Variants in JMJD1C observed in about 807,000 individuals in gnomAD.
The protein encoded by JMJD1C is jumonji domain-containing protein 1C.
JMJD1C carries 31 observed loss-of-function variants against 245.3 expected under a neutral mutation model. The ratio of observed to expected loss-of-function variants is 0.13; its 90% CI spans 0.09 to 0.17. The LOEUF is 0.17. Among genes scored for constraint, JMJD1C ranks in the 10% least tolerant of loss-of-function variants. The pLI is 1.00. For synonymous variants in JMJD1C, 1,057 were observed against 1,017.4 expected (o/e 1.04, Z -0.74); for missense variants, 2,691 against 3,000.2 (o/e 0.90, Z 2.41).
chr10:63,337,272 T>A (rs1400765248), intron 2 of JMJD1C, among the ~76,000 whole-genome samples: 1 of 150,558 alleles, frequency 6.6e-6, no homozygotes, highest in Non-Finnish European at 1.5e-5. Context: ...TGAAACCCCA[T>A]GTCTACTGAA....
chr10:63,208,134 A>G lies in JMJD1C; in HGVS notation c.3535T>C (p.Phe1179Leu). ...HQIASHSVTTFRNDCRSPTHL... is the reference protein window; with the variant it reads ...HQIASHSVTTLRNDCRSPTHL... Reference sequence around the variant, plus strand: ...GTAGGACTCCTACAATCATTTCTGAAGGTTGTTACTGAGTGAGATGCAATC... The same window carrying G: ...GTAGGACTCCTACAATCATTTCTGAGGGTTGTTACTGAGTGAGATGCAATC... Residue 1179 changes from phenylalanine to leucine, a missense_variant, in exon 10 of 26, where the codon TTC becomes CTC. Coordinates refer to ENST00000399262, the MANE Select transcript of JMJD1C (RefSeq NM_032776.3). 1 of 1,614,168 alleles carries G rather than the reference A, an allele frequency of 6.2e-7. No homozygotes were observed. Among genetic ancestry groups the G allele is most frequent in the Non-Finnish European group, 8.5e-7 (1 of 1,179,994 alleles).
chr10:63,343,542 A>G (rs866345325), intron 2 of JMJD1C, among the ~76,000 whole-genome samples: 3 of 152,188 alleles, frequency 2.0e-5, no homozygotes, highest in Admixed American at 6.5e-5. Context: ...TATACCTTAC[A>G]TCGCTGCTTC....
At position 63,465,512 on chromosome 10, in the gene JMJD1C, G is replaced by T. The variant is rs774072492; in HGVS notation, c.151C>A (p.Arg51Ser). ...TCTCTTACCGCCAGGTCCGGATTGC[G>T]GCTGTCCCTGTGTGACACGGCTCGG... ...VIRAVSHRDS[R>S]NPDLAVYVEF... The change falls in exon 1 of 26, where the codon CGC (arginine) becomes AGC (serine). Residue 51 changes from arginine (R) to serine (S), a missense_variant. Transcript: ENST00000399262. The T allele has an allele frequency of 6.2e-7, 1 of 1,604,636 alleles. No individual in the cohort carries two copies. The highest frequency in any genetic ancestry group is 1.7e-5 in the Admixed American group (1 of 59,518).
chr10:63,446,363 T>C (rs1244360691), intron 1 of JMJD1C, among the ~76,000 whole-genome samples: 1 of 152,120 alleles, frequency 6.6e-6, no homozygotes, highest in African/African-American at 2.4e-5. Context: ...TGCGGACATA[T>C]TAAGTCTGAG....
intron 2 of JMJD1C, among the ~76,000 whole-genome samples, chr10:63,326,700 C>T (rs896494441): frequency 6.6e-6 from 1 of 151,906 alleles, no homozygotes; most frequent in Non-Finnish European, 1.5e-5. Flanking sequence ...ACCAACATGG[C>T]GAAACCTGGT....
At chr10:63,505,986 A>G (rs1954707165) in intron 1 of JMJD1C, among the ~76,000 whole-genome samples, 1 of 152,126 alleles carries the variant, frequency 6.6e-6, no homozygotes, top group Admixed American at 6.6e-5. Flanking sequence ...ACTTACTGGT[A>G]TCCACACATT....
chr10:63,395,241 G>A (rs1166141236), intron 1 of JMJD1C, among the ~76,000 whole-genome samples: 1 of 152,152 alleles, frequency 6.6e-6, no homozygotes. Flanking sequence ...CACTTTGGGA[G>A]GCCAAGGCAA....
At chr10:63,497,125 T>G (rs560307939) in intron 1 of JMJD1C, among the ~76,000 whole-genome samples, 1 of 152,192 alleles carries the variant, frequency 6.6e-6, no homozygotes, top group African/African-American at 2.4e-5. Flanking sequence ...TTTCCAAAAG[T>G]AGCACCCAAC....
intron 1 of JMJD1C, 92 bp downstream of exon 1, chr10:63,465,403 T>A (rs892882724): frequency 2.3e-6 from 3 of 1,312,226 alleles, no homozygotes; most frequent in South Asian, 1.4e-5. Flanking sequence ...TTGGCCGGGC[T>A]GAGCGAGGCG....
intron 1 of JMJD1C, among the ~76,000 whole-genome samples, chr10:63,416,556 T>C (rs1189284628): frequency 2.0e-5 from 3 of 152,320 alleles, no homozygotes; most frequent in South Asian, 4.1e-4. Flanking sequence ...ACTGTCTTTT[T>C]GGCTGATCAT....
intron 3 of JMJD1C, among the ~76,000 whole-genome samples, chr10:63,255,296 A>C (rs74137709): frequency 0.022 from 3,275 of 152,240 alleles, 114 homozygotes; most frequent in African/African-American, 0.073. Flanking sequence ...TCATTCCCCT[A>C]TGCCATCTAT....
At chr10:63,424,770 A>C (rs1407956245) in intron 1 of JMJD1C, among the ~76,000 whole-genome samples, 2 of 152,196 alleles carry the variant, frequency 1.3e-5, no homozygotes, top group Non-Finnish European at 2.9e-5. Flanking sequence ...TAAACTGCTC[A>C]ATCAGCAAAA....
intron 1 of JMJD1C, among the ~76,000 whole-genome samples, chr10:63,397,609 T>C (rs866424528): frequency 7.2e-5 from 11 of 152,068 alleles, no homozygotes; most frequent in South Asian, 4.1e-4. Context: ...TCACGGTTCA[T>C]TGCAGCCTCA....
At chr10:63,252,258 A>G (rs1293763257) in intron 3 of JMJD1C, among the ~76,000 whole-genome samples, 2 of 152,224 alleles carry the variant, frequency 1.3e-5, no homozygotes, top group Non-Finnish European at 1.5e-5. Flanking sequence ...TTAAGTGTCA[A>G]CTTGACTAGG....
At position 63,264,783 on chromosome 10, in the gene JMJD1C, T is replaced by A. The variant is rs752683638; in HGVS notation, c.334-19A>T. The A allele has an allele frequency of 7.0e-6, 8 of 1,144,644 alleles. No individual in the cohort carries two copies. The highest frequency in any genetic ancestry group is 2.4e-5 in the East Asian group (1 of 42,126). The allele number at this position is 1,144,644 out of a possible 1,614,324, so 70.9% of individuals were successfully genotyped here. On this transcript the variant is annotated intron_variant, in intron 2 of 25. Transcript: ENST00000399262. ...TGAAAGTCTGCCAAGAAAAAAAAAATTTCTAATGATAATTTTCTGGGTAGT... is the reference window on the plus strand; with the variant it reads ...TGAAAGTCTGCCAAGAAAAAAAAAAATTCTAATGATAATTTTCTGGGTAGT...
intron 1 of JMJD1C, among the ~76,000 whole-genome samples, chr10:63,416,053 T>TG (rs984857582): frequency 2.0e-5 from 3 of 152,184 alleles, no homozygotes; most frequent in Non-Finnish European, 2.9e-5. Context: ...TGCAGTATCC[T>TG]GCCCTTAGCG....
At chr10:63,209,314 G>A (rs1480202854) in intron 8 of JMJD1C, 79 bp from the exon 9 acceptor site, 13 of 1,204,106 alleles carry the variant, frequency 1.1e-5, no homozygotes, top group East Asian at 2.7e-5. Flanking sequence ...CAGTAGAACT[G>A]GGTATGATCT....
At chr10:63,360,932 G>C (rs892964103) in intron 2 of JMJD1C, among the ~76,000 whole-genome samples, 3 of 151,908 alleles carry the variant, frequency 2.0e-5, no homozygotes, top group Non-Finnish European at 4.4e-5. Flanking sequence ...TTACATGCGT[G>C]AGCCACCGAG....
At chr10:63,461,369 T>C (rs953091756) in intron 1 of JMJD1C, among the ~76,000 whole-genome samples, 1 of 152,092 alleles carries the variant, frequency 6.6e-6, no homozygotes, top group Admixed American at 6.5e-5. Context: ...TTTTTAATAA[T>C]GATGCAAGAC....
Sources: gnomAD v4.1 joint callset for allele counts (sites outside exome capture counted in the v4.1 genomes callset) on GRCh38, gnomAD v4.1.1 for gene constraint, MANE v1.5 for transcripts, NCBI Gene and HGNC (gene_info 2026-07-23, HGNC 2026-07-21) for gene names.